Variants in ATRNL1 observed in about 807,000 individuals in gnomAD.
The protein encoded by ATRNL1 is attractin like 1.
ATRNL1 carries 95 observed loss-of-function variants against 182.7 expected under a neutral mutation model. The ratio of observed to expected loss-of-function variants is 0.52; its 90% CI spans 0.44 to 0.62. The LOEUF is 0.62. Ranked by LOEUF, ATRNL1 falls within the 20% of genes least tolerant of loss-of-function variation. The pLI is 0.00. For synonymous variants in ATRNL1, 576 were observed against 568.3 expected, an observed-to-expected ratio of 1.01 and a Z score of -0.19; for missense variants, 1,471 against 1,679.5, an observed-to-expected ratio of 0.88 and a Z score of 2.17.
At chr10:115,462,085 T>G in intron 22 of ATRNL1, 50 bp downstream of exon 22, 1 of 1,367,796 alleles carries the variant, frequency 7.3e-7, no homozygotes, top group South Asian at 1.3e-5. Context: ...ACACAATTTT[T>G]TTTTCATATT....
At chr10:115,448,493 A>G (rs1411648313) in intron 21 of ATRNL1, among the ~76,000 whole-genome samples, 2 of 152,202 alleles carry the variant, frequency 1.3e-5, no homozygotes, top group African/African-American at 4.8e-5. Flanking sequence ...AAGCTAAAAC[A>G]TACCAGAATC....
At chr10:115,729,021 A>G (rs1390154691) in intron 27 of ATRNL1, among the ~76,000 whole-genome samples, 1 of 152,110 alleles carries the variant, frequency 6.6e-6, no homozygotes, top group Non-Finnish European at 1.5e-5. Flanking sequence ...AAAATCGAGT[A>G]ACAAGAGAAA....
At chr10:115,400,704 T>C (rs1342528781) in intron 20 of ATRNL1, among the ~76,000 whole-genome samples, 4 of 152,166 alleles carry the variant, frequency 2.6e-5, no homozygotes, top group Non-Finnish European at 5.9e-5. Flanking sequence ...AATGCTGTTC[T>C]TTGCCTTTTT....
At chr10:115,791,951 C>A (rs1198460315) in intron 27 of ATRNL1, among the ~76,000 whole-genome samples, 5 of 152,126 alleles carry the variant, frequency 3.3e-5, no homozygotes, top group African/African-American at 1.2e-4. Flanking sequence ...TAACAGAAAA[C>A]CTCATGCTTA....
intron 24 of ATRNL1, among the ~76,000 whole-genome samples, chr10:115,474,633 A>T (rs565440025): frequency 6.6e-6 from 1 of 150,464 alleles, no homozygotes. Flanking sequence ...TGGTGTTAGG[A>T]CTCTTCACTG....
intron 8 of ATRNL1, among the ~76,000 whole-genome samples, chr10:115,211,962 C>T (rs1320485166): frequency 6.6e-6 from 1 of 150,900 alleles, no homozygotes; most frequent in Non-Finnish European, 1.5e-5. Flanking sequence ...TCACTGTTTT[C>T]TCTATTTTTC....
intron 1 of ATRNL1, among the ~76,000 whole-genome samples, chr10:115,111,389 G>C (rs1277117217): frequency 2.6e-5 from 4 of 152,180 alleles, no homozygotes; most frequent in African/African-American, 9.6e-5. Context: ...TAATGTGTAA[G>C]GAAAAGAGAT....
chr10:115,578,776 T>C (rs995497060), intron 26 of ATRNL1, among the ~76,000 whole-genome samples: 8 of 151,694 alleles, frequency 5.3e-5, no homozygotes, highest in East Asian at 1.9e-4. Context: ...TAATTTTTGA[T>C]TCAGTTTGTT....
intron 28 of ATRNL1, among the ~76,000 whole-genome samples, chr10:115,921,538 A>G (rs1405353887): frequency 6.6e-6 from 1 of 152,126 alleles, no homozygotes; most frequent in African/African-American, 2.4e-5. Context: ...ATTCTTTTAC[A>G]CCTCTTACCC....
intron 18 of ATRNL1, among the ~76,000 whole-genome samples, chr10:115,333,904 A>T (rs782173035): frequency 6.6e-6 from 1 of 152,212 alleles, no homozygotes; most frequent in Non-Finnish European, 1.5e-5. Context: ...TATAATTAAG[A>T]TGAATTTTAG....
Position 115,343,671 on chromosome 10 carries a change from A to G in ATRNL1, c.3175+9252A>G, listed in dbSNP as rs1402422426. Among the ~76,000 whole-genome samples, 3 of 151,918 alleles carry G rather than the reference A, an allele frequency of 2.0e-5. No individual in the cohort carries two copies. In the East Asian group the frequency reaches 5.8e-4, roughly 29 times the overall value. On this transcript the variant is annotated intron_variant, in intron 19 of 28. Transcript: ENST00000355044. ...ATTTGATGAGGTCATGTTTTCCTGG[A>G]TGGTGTTGATGCTAATAGATGTTCT...
chr10:115,467,341 A>C, intron 23 of ATRNL1, 89 bp downstream of exon 23: 2 of 881,496 alleles, frequency 2.3e-6, no homozygotes, highest in South Asian at 2.0e-5. Context: ...AAATGTTTGA[A>C]ATTTTAAAAA....
intron 27 of ATRNL1, among the ~76,000 whole-genome samples, chr10:115,810,477 G>C (rs1329389020): frequency 6.6e-6 from 1 of 151,900 alleles, no homozygotes; most frequent in Admixed American, 6.6e-5. Context: ...AAAAGAACTT[G>C]ATGGTTTTTA....
At position 115,549,483 on chromosome 10, in the gene ATRNL1, G is replaced by T; in HGVS notation, c.3742G>T (p.Ala1248Ser). The T allele has an allele frequency of 6.2e-7, 1 of 1,602,234 alleles. No individual in the cohort carries two copies. Among genetic ancestry groups the T allele is most frequent in the Non-Finnish European group, 8.5e-7 (1 of 1,173,668 alleles). The change falls in exon 26 of 29, where the codon GCT becomes TCT. Residue 1248 changes from alanine to serine, a missense_variant. Coordinates refer to ENST00000355044, the MANE Select transcript of ATRNL1 (RefSeq NM_207303.4). ...TTGTTTCCTATCCTTATTGCTGGTGGCTGCTGTGGTATGGAAGATCAAACA... is the reference window on the plus strand; with the variant it reads ...TTGTTTCCTATCCTTATTGCTGGTGTCTGCTGTGGTATGGAAGATCAAACA... Reference protein sequence around the residue: ...FSCFLSLLLVAAVVWKIKQTC... With the variant: ...FSCFLSLLLVSAVVWKIKQTC...
chr10:115,476,421 T>C (rs1021760470), intron 24 of ATRNL1, among the ~76,000 whole-genome samples: 4 of 151,374 alleles, frequency 2.6e-5, no homozygotes, highest in Non-Finnish European at 4.4e-5. Context: ...TTGATTCTTA[T>C]TCAATGTCTG....
At chr10:115,279,248 T>C (rs1385070469) in intron 13 of ATRNL1, among the ~76,000 whole-genome samples, 8 of 151,486 alleles carry the variant, frequency 5.3e-5, no homozygotes, top group Non-Finnish European at 1.2e-4. Context: ...TGAGAAGATA[T>C]GGCATACTAA....
chr10:115,728,152 G>A (rs1164796456), intron 27 of ATRNL1, among the ~76,000 whole-genome samples: 33 of 144,420 alleles, frequency 2.3e-4, no homozygotes, highest in African/African-American at 7.3e-4. Flanking sequence ...AAAATTAGCC[G>A]GGCGTGGTGG....
chr10:115,856,645 G>A (rs1028096463), intron 28 of ATRNL1, among the ~76,000 whole-genome samples: 2 of 151,878 alleles, frequency 1.3e-5, no homozygotes, highest in Non-Finnish European at 2.9e-5. Flanking sequence ...CAGGTCATCA[G>A]GCATTAGTTA....
chr10:115,602,189 A>C (rs1372254656), intron 26 of ATRNL1, among the ~76,000 whole-genome samples: 2 of 152,004 alleles, frequency 1.3e-5, no homozygotes, highest in African/African-American at 4.8e-5. Context: ...CCCTGTCTCT[A>C]CTACAGATGC....
Sources: allele counts gnomAD v4.1 joint callset (sites outside exome capture counted in the v4.1 genomes callset), GRCh38; gene constraint gnomAD v4.1.1; transcripts MANE v1.5; gene names NCBI Gene and HGNC (gene_info 2026-07-23, HGNC 2026-07-21).